ATOSA: variants seen among roughly 807,000 people sequenced by gnomAD.
The protein encoded by ATOSA is atos homolog protein A.
chr15:52,605,618 T>C, the ATOSA span, among the ~76,000 whole-genome samples: 1 of 152,174 alleles, frequency 6.6e-6, no homozygotes, highest in East Asian at 1.9e-4. Flanking sequence ...CTACATCTTA[T>C]GTTTACACAC....
chr15:52,623,764 A>G, the ATOSA span, among the ~76,000 whole-genome samples: 1 of 152,340 alleles, frequency 6.6e-6, no homozygotes, highest in South Asian at 2.1e-4. Flanking sequence ...TGTGACATAT[A>G]CTGTCAATTA....
At chr15:52,701,876 G>A in the ATOSA span, among the ~76,000 whole-genome samples, 2 of 152,096 alleles carry the variant, frequency 1.3e-5, no homozygotes, top group East Asian at 3.9e-4. Flanking sequence ...AAGGTGGGAG[G>A]ATCACTTGAG....
the ATOSA span, among the ~76,000 whole-genome samples, chr15:52,595,849 C>T: frequency 1.3e-5 from 2 of 152,162 alleles, no homozygotes; most frequent in Non-Finnish European, 2.9e-5. Flanking sequence ...GTGGCTTACA[C>T]TTGTAATCCC....
At chr15:52,621,453 A>C in the ATOSA span, among the ~76,000 whole-genome samples, 2 of 152,258 alleles carry the variant, frequency 1.3e-5, no homozygotes, top group African/African-American at 4.8e-5. Flanking sequence ...ATTTTTAATT[A>C]ATCAGAGTTA....
At chr15:52,664,950 T>TG in the ATOSA span, among the ~76,000 whole-genome samples, 4 of 142,774 alleles carry the variant, frequency 2.8e-5, no homozygotes, top group East Asian at 2.5e-4. Flanking sequence ...GTGTTGGGGG[T>TG]GGGGGGGTGC....
the ATOSA span, among the ~76,000 whole-genome samples, chr15:52,704,018 T>G: frequency 2.6e-5 from 4 of 152,154 alleles, no homozygotes; most frequent in African/African-American, 4.8e-5. Flanking sequence ...ATATACTACC[T>G]TTTTATAGGA....
the ATOSA span, among the ~76,000 whole-genome samples, chr15:52,628,114 A>C: frequency 6.6e-6 from 1 of 152,208 alleles, no homozygotes; most frequent in African/African-American, 2.4e-5. Context: ...AATTCTCTCC[A>C]GTGCTCTAAA....
At chr15:52,630,093 T>G in the ATOSA span, among the ~76,000 whole-genome samples, 1 of 152,168 alleles carries the variant, frequency 6.6e-6, no homozygotes, top group East Asian at 1.9e-4. Flanking sequence ...CAAGTTCTTT[T>G]CCCAGACTCC....
At chr15:52,603,047 A>T in the ATOSA span, among the ~76,000 whole-genome samples, 1 of 152,208 alleles carries the variant, frequency 6.6e-6, no homozygotes, top group East Asian at 1.9e-4. Flanking sequence ...ATTGACCAGA[A>T]GTCTGTGGTG....
chr15:52,683,511 T>A, the ATOSA span, among the ~76,000 whole-genome samples: 2 of 152,336 alleles, frequency 1.3e-5, no homozygotes, highest in South Asian at 2.1e-4. Context: ...ACAGCTCTGG[T>A]TGATGTGTTA....
the ATOSA span, among the ~76,000 whole-genome samples, chr15:52,704,383 G>C: frequency 6.6e-6 from 1 of 152,064 alleles, no homozygotes; most frequent in Non-Finnish European, 1.5e-5. Flanking sequence ...TTAAATGTAA[G>C]ACCTAAAACC....
the ATOSA span, among the ~76,000 whole-genome samples, chr15:52,592,626 A>G: frequency 6.6e-6 from 1 of 152,232 alleles, no homozygotes; most frequent in Admixed American, 6.5e-5. Flanking sequence ...TGGGCCACAC[A>G]TAAAATATAC....
At chr15:52,708,807 G>C in the ATOSA span, among the ~76,000 whole-genome samples, 1 of 152,046 alleles carries the variant, frequency 6.6e-6, no homozygotes, top group African/African-American at 2.4e-5. Context: ...ACATATTGTG[G>C]AGGCTACCTC....
the ATOSA span, among the ~76,000 whole-genome samples, chr15:52,661,463 TTCTCTGGG>T: frequency 6.6e-6 from 1 of 152,218 alleles, no homozygotes; most frequent in South Asian, 2.1e-4. Context: ...CAGGTTGCTT[TTCTCTGGG>T]TCTTACATTT....
At chr15:52,695,927 G>A in the ATOSA span, among the ~76,000 whole-genome samples, 28 of 152,180 alleles carry the variant, frequency 1.8e-4, no homozygotes, top group Admixed American at 1.8e-3. Flanking sequence ...GTGAAGAGCA[G>A]TTGCAGCTGC....
chr15:52,585,976 T>G, the ATOSA span: 32 of 152,358 alleles, frequency 2.1e-4, no homozygotes, highest in African/African-American at 7.5e-4. Context: ...TCAAATCATG[T>G]TTATACACAG....
chr15:52,637,715 C>T, the ATOSA span, among the ~76,000 whole-genome samples: 81 of 152,216 alleles, frequency 5.3e-4, no homozygotes, highest in African/African-American at 1.9e-3. Flanking sequence ...AATAAGAGCC[C>T]AAACTCTTAC....
At chr15:52,704,705 C>T in the ATOSA span, among the ~76,000 whole-genome samples, 14 of 152,208 alleles carry the variant, frequency 9.2e-5, no homozygotes, top group East Asian at 2.7e-3. Flanking sequence ...AAGATATGAA[C>T]AGACAGTTCT....
chr15:52,677,897 A>G, the ATOSA span: 2 of 1,405,152 alleles, frequency 1.4e-6, no homozygotes, highest in Non-Finnish European at 2.0e-6. Context: ...ATAATCACAT[A>G]TGATACAGAA....
Sources: gnomAD v4.1 joint callset for allele counts (sites outside exome capture counted in the v4.1 genomes callset) on GRCh38, gnomAD v4.1.1 for gene constraint, MANE v1.5 for transcripts, NCBI Gene and HGNC (gene_info 2026-07-23, HGNC 2026-07-21) for gene names.